CERS6: variants seen among roughly 807,000 people sequenced by gnomAD.
CERS6 encodes ceramide synthase 6, also known as LAG1 homolog, ceramide synthase 6.
A neutral mutation model predicts 56.8 loss-of-function variants in CERS6; 26 were observed. The ratio of observed to expected loss-of-function variants is 0.46; its 90% confidence interval spans 0.34 to 0.63. CERS6 has a LOEUF of 0.63. CERS6 is among the 30% of genes least tolerant of loss of function. The probability of loss-of-function intolerance (pLI) is 0.01; values close to 1 mark genes in which losing one functional copy is unlikely to be tolerated. For missense variants in CERS6, 415 were observed against 467.5 expected (o/e 0.89, Z 1.04); for synonymous variants, 164 against 173.3 (o/e 0.95, Z 0.42).
chr2:168,712,993 T>C (rs543654297), intron 6 of CERS6, among the ~76,000 whole-genome samples: 3 of 152,080 alleles, frequency 2.0e-5, no homozygotes, highest in Non-Finnish European at 4.4e-5. Context: ...CATAGCACAT[T>C]TTTACCTTCT....
rs145716158 is a variant in CERS6 at position 168,541,293 on chromosome 2, C to T, written c.171-6303C>T. Among the ~76,000 whole-genome samples the T allele has an allele frequency of 4.6e-5, 7 of 152,302 alleles. No individual in the cohort carries two copies. The East Asian group carries it at 9.6e-4, about 21-fold the overall frequency. On this transcript the variant is annotated intron_variant, in intron 1 of 9. Transcript: ENST00000305747. ...AACATGAGGTTTGGTGGGCACAGAA[C>T]GCCCAGACTATAACAGTATGTTTAT...
chr2:168,727,292 G>A (rs973782583), intron 8 of CERS6, among the ~76,000 whole-genome samples: 1 of 152,084 alleles, frequency 6.6e-6, no homozygotes, highest in Non-Finnish European at 1.5e-5. Flanking sequence ...ACTCATGCCT[G>A]TAATCCCAGC....
chr2:168,570,527 G>A (rs890416216), intron 3 of CERS6, among the ~76,000 whole-genome samples: 1 of 152,152 alleles, frequency 6.6e-6, no homozygotes, highest in African/African-American at 2.4e-5. Flanking sequence ...GTCCTCTGTG[G>A]TGCTGGCTTT....
At chr2:168,557,808 G>T (rs1478090366) in intron 2 of CERS6, among the ~76,000 whole-genome samples, 2 of 152,050 alleles carry the variant, frequency 1.3e-5, no homozygotes, top group Non-Finnish European at 2.9e-5. Context: ...CAAATTTCTG[G>T]AAGTAAAACA....
At chr2:168,473,096 C>G (rs1292348356) in intron 1 of CERS6, among the ~76,000 whole-genome samples, 1 of 152,024 alleles carries the variant, frequency 6.6e-6, no homozygotes, top group East Asian at 1.9e-4. Flanking sequence ...TTTTATCCTT[C>G]TCTTCTTCAG....
intron 3 of CERS6, among the ~76,000 whole-genome samples, chr2:168,611,329 A>G (rs909271120): frequency 6.6e-6 from 1 of 152,176 alleles, no homozygotes; most frequent in Admixed American, 6.5e-5. Flanking sequence ...ATAACCATTC[A>G]TCTCAGTACT....
At chr2:168,639,041 TA>T (rs1016397204) in intron 4 of CERS6, among the ~76,000 whole-genome samples, 15 of 147,622 alleles carry the variant, frequency 1.0e-4, no homozygotes, top group Non-Finnish European at 1.1e-4. Flanking sequence ...ACTCTAGAAA[TA>T]AAAAAAAAAG....
chr2:168,759,853 G>GAT (rs1351179087), intron 8 of CERS6, among the ~76,000 whole-genome samples: 2 of 150,450 alleles, frequency 1.3e-5, no homozygotes, highest in Non-Finnish European at 3.0e-5. Context: ...GGAGAACCCT[G>GAT]ATATTATAGT....
chr2:168,560,798 A>G (rs1695773325), intron 2 of CERS6, among the ~76,000 whole-genome samples: 1 of 152,126 alleles, frequency 6.6e-6, no homozygotes, highest in Admixed American at 6.6e-5. Context: ...GTTGTTGAGA[A>G]AGTGAGATAT....
At chr2:168,682,294 A>G (rs1205817384) in intron 4 of CERS6, among the ~76,000 whole-genome samples, 4 of 152,234 alleles carry the variant, frequency 2.6e-5, no homozygotes, top group Non-Finnish European at 5.9e-5. Flanking sequence ...ATGTAATTTA[A>G]TAGTTAATAT....
At chr2:168,634,323 C>G (rs183930446) in intron 4 of CERS6, among the ~76,000 whole-genome samples, 1 of 152,190 alleles carries the variant, frequency 6.6e-6, no homozygotes, top group African/African-American at 2.4e-5. Context: ...GAAGTCCTAG[C>G]AGACAGTGTA....
At chr2:168,569,359 A>T (rs181946697) in intron 3 of CERS6, among the ~76,000 whole-genome samples, 58 of 152,372 alleles carry the variant, frequency 3.8e-4, no homozygotes, top group African/African-American at 1.2e-3. Flanking sequence ...CTGGGGGCAC[A>T]CAATTCAGTC....
intron 3 of CERS6, among the ~76,000 whole-genome samples, chr2:168,613,818 C>G (rs968024336): frequency 7.2e-5 from 11 of 152,306 alleles, no homozygotes; most frequent in Admixed American, 3.3e-4. Context: ...AAGTGGGCAG[C>G]TCAGTCTCAC....
chr2:168,715,981 T>G (rs1231987491), intron 7 of CERS6, among the ~76,000 whole-genome samples: 1 of 152,144 alleles, frequency 6.6e-6, no homozygotes, highest in African/African-American at 2.4e-5. Flanking sequence ...TTGCCACCTT[T>G]GAAGCATTTA....
intron 1 of CERS6, among the ~76,000 whole-genome samples, chr2:168,461,136 G>T (rs1004232727): frequency 6.6e-6 from 1 of 152,148 alleles, no homozygotes; most frequent in Admixed American, 6.5e-5. Context: ...AGTGTACCTT[G>T]TAATGAAGAG....
intron 6 of CERS6, among the ~76,000 whole-genome samples, chr2:168,708,252 T>G (rs1389338815): frequency 1.3e-5 from 2 of 152,150 alleles, no homozygotes; most frequent in Non-Finnish European, 2.9e-5. Context: ...GGAGACTGAG[T>G]AGCTACTCTC....
At chr2:168,553,691 A>G (rs1449727861) in intron 2 of CERS6, among the ~76,000 whole-genome samples, 1 of 152,210 alleles carries the variant, frequency 6.6e-6, no homozygotes, top group Non-Finnish European at 1.5e-5. Flanking sequence ...GACTCTATTA[A>G]ATCATTAATT....
intron 1 of CERS6, among the ~76,000 whole-genome samples, chr2:168,493,104 C>T (rs541327083): frequency 6.8e-4 from 104 of 152,238 alleles, no homozygotes; most frequent in African/African-American, 2.4e-3. Flanking sequence ...TTGTTACAAA[C>T]TCCTTGCAAA....
At chr2:168,458,855 T>C (rs1693726800) in intron 1 of CERS6, among the ~76,000 whole-genome samples, 1 of 152,234 alleles carries the variant, frequency 6.6e-6, no homozygotes, top group African/African-American at 2.4e-5. Context: ...TATCTAGAGT[T>C]AGAAGTTCTG....
Sources: allele counts gnomAD v4.1 joint callset (sites outside exome capture counted in the v4.1 genomes callset), GRCh38; gene constraint gnomAD v4.1.1; transcripts MANE v1.5; gene names NCBI Gene and HGNC (gene_info 2026-07-23, HGNC 2026-07-21).